EFNA2: variants seen among roughly 807,000 people sequenced by gnomAD.
The protein encoded by EFNA2 is ephrin A2, also known as ephrin-A2.
A neutral mutation model predicts 19.7 loss-of-function variants in EFNA2; 18 were observed. The observed-to-expected ratio is 0.91, with a 90% confidence interval of 0.63 to 1.35. The LOEUF (loss-of-function observed/expected upper bound fraction) is 1.35, where lower values mean the gene tolerates loss of function less well. EFNA2 is among the 40% of genes most tolerant of loss of function. The pLI, the probability that EFNA2 is intolerant of heterozygous loss-of-function variation, is 0.00. For missense variants in EFNA2, 303 were observed against 296.0 expected (o/e 1.02, Z -0.17); for synonymous variants, 187 against 137.8 (o/e 1.36, Z -2.50).
At position 1,300,807 on chromosome 19, in the gene EFNA2, G is replaced by A. The variant is rs1483709302; in HGVS notation, c.*862G>A. On this transcript the variant is annotated 3_prime_UTR_variant, in exon 4 of 4. Coordinates refer to ENST00000215368, the MANE Select transcript of EFNA2 (RefSeq NM_001405.4). ...GGCCGATGCAAACAGCCCCCTACCCGTCCCCCTCGCCTCACACGGTCCCTC... is the reference window on the plus strand; with the variant it reads ...GGCCGATGCAAACAGCCCCCTACCCATCCCCCTCGCCTCACACGGTCCCTC... Among the ~76,000 whole-genome samples, 1 of 151,980 alleles carries A rather than the reference G, an allele frequency of 6.6e-6. No individual in the cohort carries two copies.
intron 1 of EFNA2, among the ~76,000 whole-genome samples, chr19:1,290,964 C>T (rs2081488658): frequency 1.3e-5 from 2 of 152,330 alleles, no homozygotes; most frequent in African/African-American, 2.4e-5. Flanking sequence ...GGCCGAGAGA[C>T]TCAGCGGCGT....
Position 1,286,195 on chromosome 19 carries a change from C to A in EFNA2, c.27C>A (p.Leu9=), listed in dbSNP as rs1401478593. The A allele has an allele frequency of 9.6e-7, 1 of 1,046,558 alleles. No homozygotes were observed. The allele number at this position is 1,046,558 out of a possible 1,614,324, so 64.8% of individuals were successfully genotyped here. The change falls in exon 1 of 4, where the codon CTC becomes CTA. Residue 9 remains leucine, a synonymous_variant. Coordinates refer to ENST00000215368, the MANE Select transcript of EFNA2 (RefSeq NM_001405.4). The surrounding 1 kb of genome is among the most constrained non-coding windows in gnomAD (Gnocchi z 5.6). MAPAQRPL[L]PLLLLLLPLP... ...TGGCGCCCGCGCAGCGCCCGCTGCT[C>A]CCGCTGCTGCTCCTGCTGTTACCGC...
At chr19:1,292,844 G>A (rs895618365) in intron 1 of EFNA2, among the ~76,000 whole-genome samples, 1 of 152,182 alleles carries the variant, frequency 6.6e-6, no homozygotes, top group Non-Finnish European at 1.5e-5. Context: ...GGAGGGGCCC[G>A]GGCACCTGGC....
rs1246505524 is a variant in EFNA2 at position 1,295,083 on chromosome 19, G to A, written c.141-462G>A. 6.6e-6 allele frequency among the ~76,000 whole-genome samples: 1 copy of A among 152,092 alleles called. No individual in the cohort carries two copies. Among genetic ancestry groups the A allele is most frequent in the Non-Finnish European group, 1.5e-5 (1 of 67,994 alleles). ...TGGGGCTGTTGGGGACACTGAGGCA[G>A]GAGGTGGGGGGCAGTGCCAGGCAAG... On this transcript the variant is annotated intron_variant, in intron 1 of 3. Transcript: ENST00000215368. This position sits in a 1 kb window ranked among gnomAD's most constrained non-coding sequence, Gnocchi z 5.8.
At position 1,293,917 on chromosome 19, in the gene EFNA2, C is replaced by T. The variant is rs114112279; in HGVS notation, c.141-1628C>T. ...GTGGCATCTCAGGGTGGCGGGGGGC[C>T]GGGCTGATGCCATCTGATAATCCCA... is the stretch of plus-strand genomic sequence containing the variant. On this transcript the variant is annotated intron_variant, in intron 1 of 3. Coordinates refer to ENST00000215368, the MANE Select transcript of EFNA2 (RefSeq NM_001405.4). Among the ~76,000 whole-genome samples the T allele has an allele frequency of 3.8e-3, 574 of 152,338 alleles. 5 individuals carry two copies. Among genetic ancestry groups the T allele is most frequent in the African/African-American group, 0.013 (550 of 41,584 alleles).
chr19:1,295,638 G>A lies in EFNA2; in HGVS notation c.234G>A (p.Ala78=). Reference sequence around the variant, plus strand: ...ACATCTACTGCCCGCACTATGGGGCGCCGCTGCCGCCGGCCGAGCGCATGG... The same window carrying A: ...ACATCTACTGCCCGCACTATGGGGCACCGCTGCCGCCGGCCGAGCGCATGG... ...YLDIYCPHYG[A]PLPPAERMEH... The change falls in exon 2 of 4, where the codon GCG becomes GCA. Residue 78 remains alanine (A), a synonymous_variant. Coordinates refer to ENST00000215368, the MANE Select transcript of EFNA2 (RefSeq NM_001405.4). This position sits in a 1 kb window ranked among gnomAD's most constrained non-coding sequence, Gnocchi z 5.8. 1 of 1,611,442 alleles carries A rather than the reference G, an allele frequency of 6.2e-7. No homozygotes were observed. Among genetic ancestry groups the A allele is most frequent in the Non-Finnish European group, 8.5e-7 (1 of 1,179,392 alleles).
In EFNA2 at chr19:1,287,859, C is replaced by T. The variant is rs757871595; in HGVS notation, c.140+1551C>T. Reference sequence around the variant, plus strand: ...GTGGCCTGTCCTTTGTTCTAGCAAACGCCAAACACACGAGGACCCGGCAAC... The same window carrying T: ...GTGGCCTGTCCTTTGTTCTAGCAAATGCCAAACACACGAGGACCCGGCAAC... On this transcript the variant is annotated intron_variant, in intron 1 of 3. Coordinates refer to ENST00000215368, the MANE Select transcript of EFNA2 (RefSeq NM_001405.4). This position sits in a 1 kb window ranked among gnomAD's most constrained non-coding sequence, Gnocchi z 6.2. Among the ~76,000 whole-genome samples, 1 of 152,250 alleles carries T rather than the reference C, an allele frequency of 6.6e-6. No individual in the cohort carries two copies. The highest frequency in any genetic ancestry group is 6.5e-5 in the Admixed American group (1 of 15,290).
Position 1,299,872 on chromosome 19 carries a change from C to T in EFNA2, c.569C>T (p.Ser190Leu). 6.2e-7 allele frequency: 1 copy of T among 1,604,690 alleles called. No homozygotes were observed. The highest frequency in any genetic ancestry group is 8.5e-7 in the Non-Finnish European group (1 of 1,178,002). The change falls in exon 4 of 4, where the codon TCG becomes TTG. Residue 190 changes from serine (S) to leucine (L), a missense_variant. By Grantham distance (145) the Ser-to-Leu change is moderately radical. Transcript: ENST00000215368. ...APEPIFTSNN[S>L]CSSPGGCRLF... ...GAGCCCATCTTCACCAGCAATAACT[C>T]GTGTAGCAGCCCGGGCGGCTGCCGC...
In EFNA2 at chr19:1,298,532, C is replaced by T; in HGVS notation, c.455-19C>T. 1 of 1,613,326 alleles carries T rather than the reference C, an allele frequency of 6.2e-7. No homozygotes were observed. Among genetic ancestry groups the T allele is most frequent in the Non-Finnish European group, 8.5e-7 (1 of 1,179,698 alleles). On this transcript the variant is annotated intron_variant, in intron 2 of 3. Transcript: ENST00000215368. ...ACCAAGAGGCACTTCCCCACTCATC[C>T]CCATCCCCTCTCTTCTAGCTGCCAC...
upstream of EFNA2, among the ~76,000 whole-genome samples, chr19:1,285,766 GCAGGGGGCGGGCGCAGGCT>G (rs2144608732): frequency 1.3e-5 from 2 of 150,168 alleles, no homozygotes; most frequent in African/African-American, 4.8e-5. The surrounding 1 kb of genome is among the most constrained non-coding windows in gnomAD (Gnocchi z 4.1). Flanking sequence ...GTGGGCCGGG[GCAGGGGGCGGGCGCAGGCT>G]GGAGACCCCC....
chr19:1,299,888 C>A lies in EFNA2; in HGVS notation c.585C>A (p.Gly195=). The change falls in exon 4 of 4, where the codon GGC becomes GGA. Residue 195 remains glycine, a synonymous_variant. Transcript: ENST00000215368. ...GCAATAACTCGTGTAGCAGCCCGGG[C>A]GGCTGCCGCCTCTTCCTCAGCACCA... ...FTSNNSCSSP[G]GCRLFLSTIP... is the part of the protein sequence containing the mutation. The A allele has an allele frequency of 6.2e-7, 1 of 1,603,866 alleles. No homozygotes were observed.
Position 1,295,572 on chromosome 19 carries a change from CG to C in EFNA2, c.173del (p.Gly58AlafsTer6). ...RFHAGAGDDG[G>X]GYTVEVSIND... Reference sequence around the variant, plus strand: ...TCCACGCAGGCGCGGGGGACGACGGCGGGGGCTACACGGTGGAGGTGAGCAT... The same window carrying C: ...TCCACGCAGGCGCGGGGGACGACGGCGGGGCTACACGGTGGAGGTGAGCAT... On this transcript the variant is annotated frameshift_variant, in exon 2 of 4. Transcript: ENST00000215368. LOFTEE classifies it high-confidence loss of function. This position sits in a 1 kb window ranked among gnomAD's most constrained non-coding sequence, Gnocchi z 5.8. 1 of 1,598,306 alleles carries C rather than the reference CG, an allele frequency of 6.3e-7. No individual in the cohort carries two copies. Among genetic ancestry groups the C allele is most frequent in the South Asian group, 1.1e-5 (1 of 90,012 alleles).
At chr19:1,284,470 G>T (rs2081454355), upstream of EFNA2, among the ~76,000 whole-genome samples, 1 of 152,254 alleles carries the variant, frequency 6.6e-6, no homozygotes, top group Admixed American at 6.5e-5. The surrounding 1 kb of genome is among the most constrained non-coding windows in gnomAD (Gnocchi z 5.3). Flanking sequence ...CTAGAGCACT[G>T]GGTGGGACAG....
chr19:1,284,322 G>A (rs1357747843), upstream of EFNA2, among the ~76,000 whole-genome samples: 2 of 152,222 alleles, frequency 1.3e-5, no homozygotes, highest in Non-Finnish European at 2.9e-5. This position sits in a 1 kb window ranked among gnomAD's most constrained non-coding sequence, Gnocchi z 5.3. Context: ...GCCCTCCACT[G>A]AAGAGACACC....
rs1600059515 is a variant in EFNA2, at chr19:1,295,473, C to T, written c.141-72C>T. 12 of 1,422,692 alleles carry T rather than the reference C, an allele frequency of 8.4e-6. No individual in the cohort carries two copies. The East Asian group carries it at 1.6e-4, about 19-fold the overall frequency. The allele number at this position is 1,422,692 out of a possible 1,614,324, so 88.1% of individuals were successfully genotyped here. A position where few individuals can be genotyped will look rare whatever the true frequency, so the allele number is the denominator to read the frequency against. ...GTGCTCCTGTCCCCTGACCCTGGCC[C>T]TCCCCGCGCACCCCGACCCGTGCCC... On this transcript the variant is annotated intron_variant, in intron 1 of 3. Coordinates refer to ENST00000215368, the MANE Select transcript of EFNA2 (RefSeq NM_001405.4). This position sits in a 1 kb window ranked among gnomAD's most constrained non-coding sequence, Gnocchi z 5.8.
At position 1,287,168 on chromosome 19, in the gene EFNA2, A is replaced by C. The variant is rs2144610860; in HGVS notation, c.140+860A>C. Among the ~76,000 whole-genome samples the C allele has an allele frequency of 6.6e-6, 1 of 152,314 alleles. No individual in the cohort carries two copies. The highest frequency in any genetic ancestry group is 2.1e-4 in the South Asian group (1 of 4,826). ...AGCCCCCGTTGGTCAGAGCAAAAAA[A>C]GTTTGCCGGGGCCTGGCCATGGCCT... On this transcript the variant is annotated intron_variant, in intron 1 of 3. Transcript: ENST00000215368. The surrounding 1 kb of genome is among the most constrained non-coding windows in gnomAD (Gnocchi z 6.2).
At chr19:1,285,223 C>T (rs546960959), upstream of EFNA2, among the ~76,000 whole-genome samples, 1 of 152,348 alleles carries the variant, frequency 6.6e-6, no homozygotes, top group South Asian at 2.1e-4. This position sits in a 1 kb window ranked among gnomAD's most constrained non-coding sequence, Gnocchi z 4.1. Flanking sequence ...CGGGCAGCGG[C>T]CCTCCCCTGC....
chr19:1,289,068 G>A (rs546589485), intron 1 of EFNA2, among the ~76,000 whole-genome samples: 140 of 152,370 alleles, frequency 9.2e-4, no homozygotes, highest in African/African-American at 3.2e-3. Flanking sequence ...GTGGGGAAGG[G>A]TGGCGTGCAG....
Position 1,300,736 on chromosome 19 carries a change from A to G in EFNA2, c.*791A>G, listed in dbSNP as rs1307192737. 6.6e-6 allele frequency among the ~76,000 whole-genome samples: 1 copy of G among 151,770 alleles called. No homozygotes were observed. The highest frequency in any genetic ancestry group is 6.6e-5 in the Admixed American group (1 of 15,242). On this transcript the variant is annotated 3_prime_UTR_variant, in exon 4 of 4. Transcript: ENST00000215368. ...TTCCTCCCAGACACTGTTTTGCCCC[A>G]GCGCCCTTCGGAATCACAGTCCCGC... is the stretch of plus-strand genomic sequence containing the variant.
Sources: gnomAD v4.1 joint callset for allele counts (sites outside exome capture counted in the v4.1 genomes callset) on GRCh38, gnomAD v4.1.1 for gene constraint, Gnocchi (gnomAD v3.1) non-coding constraint, MANE v1.5 for transcripts, NCBI Gene and HGNC (gene_info 2026-07-23, HGNC 2026-07-21) for gene names.